The following PTPRG variants were observed in gnomAD, a reference collection of about 807,000 sequenced individuals.
PTPRG encodes protein tyrosine phosphatase receptor type G.
Under a neutral mutation model 165.3 loss-of-function variants are expected in PTPRG, and 102 were observed. That is an observed-to-expected ratio of 0.62 (90% CI 0.53 to 0.73). The LOEUF is 0.73. PTPRG is among the 30% of genes least tolerant of loss of function. PTPRG has a pLI of 0.00. For synonymous variants in PTPRG, 675 were observed against 669.5 expected, an observed-to-expected ratio of 1.01 and a Z score of -0.13; for missense variants, 1,866 against 1,861.4, an observed-to-expected ratio of 1.00 and a Z score of -0.05.
chr3:62,160,915 A>G (rs1337912847), intron 7 of PTPRG, among the ~76,000 whole-genome samples: 2 of 148,122 alleles, frequency 1.4e-5, no homozygotes, highest in African/African-American at 2.5e-5. Flanking sequence ...GTGGACAGAA[A>G]AGGTTTAATT....
chr3:62,152,400 G>A (rs899904783), intron 6 of PTPRG, among the ~76,000 whole-genome samples: 1 of 152,036 alleles, frequency 6.6e-6, no homozygotes, highest in African/African-American at 2.4e-5. Flanking sequence ...AAGAGTTTAC[G>A]TTTTCAGCTG....
intron 2 of PTPRG, among the ~76,000 whole-genome samples, chr3:61,778,835 G>A (rs911397005): frequency 1.3e-5 from 2 of 152,094 alleles, no homozygotes; most frequent in Admixed American, 1.3e-4. Flanking sequence ...GGACCAACAA[G>A]TATCAGGACC....
At chr3:61,605,057 T>A (rs548596140) in intron 1 of PTPRG, among the ~76,000 whole-genome samples, 1 of 152,140 alleles carries the variant, frequency 6.6e-6, no homozygotes, top group Admixed American at 6.5e-5. Context: ...CATGCCACAC[T>A]CTGTCCTTCA....
chr3:62,090,784 G>T (rs1004659770), intron 5 of PTPRG, among the ~76,000 whole-genome samples: 1 of 152,150 alleles, frequency 6.6e-6, no homozygotes, highest in African/African-American at 2.4e-5. Flanking sequence ...AGGAGATTCT[G>T]ATTCTAGAAC....
At chr3:62,290,042 TG>T (rs1702823735) in intron 28 of PTPRG, among the ~76,000 whole-genome samples, 2 of 152,078 alleles carry the variant, frequency 1.3e-5, no homozygotes, top group Admixed American at 6.6e-5. Context: ...AATTTCACCA[TG>T]TGAAAATCAG....
intron 2 of PTPRG, among the ~76,000 whole-genome samples, chr3:61,888,098 C>T (rs1305182916): frequency 1.3e-5 from 2 of 151,970 alleles, no homozygotes; most frequent in Non-Finnish European, 1.5e-5. Flanking sequence ...TTTTGGAGTA[C>T]CTTTGTATTA....
At chr3:61,977,460 C>T (rs2040536740) in intron 2 of PTPRG, among the ~76,000 whole-genome samples, 1 of 152,084 alleles carries the variant, frequency 6.6e-6, no homozygotes. Context: ...GTTTTGACTT[C>T]CAGAAGTCAT....
At chr3:61,901,958 C>T (rs1181489303) in intron 2 of PTPRG, among the ~76,000 whole-genome samples, 3 of 152,146 alleles carry the variant, frequency 2.0e-5, no homozygotes, top group African/African-American at 4.8e-5. Flanking sequence ...ACCTCTTCCC[C>T]CATTTTTCCT....
At chr3:61,647,675 CCAGCTACTT>C in intron 1 of PTPRG, among the ~76,000 whole-genome samples, 1 of 151,304 alleles carries the variant, frequency 6.6e-6, no homozygotes, top group South Asian at 2.1e-4. Context: ...ACCTGTAGTC[CCAGCTACTT>C]GGGAGGCTGA....
At chr3:61,859,253 A>G (rs1203703140) in intron 2 of PTPRG, among the ~76,000 whole-genome samples, 1 of 152,186 alleles carries the variant, frequency 6.6e-6, no homozygotes, top group African/African-American at 2.4e-5. Flanking sequence ...CAAACCTATT[A>G]TATGTTAGAT....
intron 1 of PTPRG, among the ~76,000 whole-genome samples, chr3:61,572,166 C>T (rs1304776265): frequency 6.6e-6 from 1 of 152,126 alleles, no homozygotes; most frequent in African/African-American, 2.4e-5. Context: ...AACCTTGCTA[C>T]GGATTATCCT....
At chr3:61,957,273 A>G (rs1182928733) in intron 2 of PTPRG, among the ~76,000 whole-genome samples, 1 of 152,230 alleles carries the variant, frequency 6.6e-6, no homozygotes, top group African/African-American at 2.4e-5. Context: ...TGCGTTGTAA[A>G]TATTTATAAA....
At chr3:61,672,808 A>G (rs1703079340) in intron 1 of PTPRG, among the ~76,000 whole-genome samples, 1 of 146,202 alleles carries the variant, frequency 6.8e-6, no homozygotes, top group Non-Finnish European at 1.5e-5. Context: ...AGGGGGAGAG[A>G]GAGGGAGAGA....
intron 25 of PTPRG, 129 bp from the exon 26 acceptor site, chr3:62,277,422 C>A: frequency 9.4e-7 from 1 of 1,060,874 alleles, no homozygotes; most frequent in East Asian, 2.6e-5. Flanking sequence ...CCAAATGTAC[C>A]GAATGCCTTT....
At chr3:62,115,120 G>C (rs146872275) in intron 5 of PTPRG, among the ~76,000 whole-genome samples, 1 of 152,096 alleles carries the variant, frequency 6.6e-6, no homozygotes, top group Non-Finnish European at 1.5e-5. Context: ...TCAGAGCATC[G>C]TCACATGTTT....
chr3:61,690,307 AC>A (rs2030113138), intron 1 of PTPRG, among the ~76,000 whole-genome samples: 1 of 151,806 alleles, frequency 6.6e-6, no homozygotes, highest in South Asian at 2.1e-4. Flanking sequence ...GATGGCAAAG[AC>A]CCCCTAAGGA....
intron 8 of PTPRG, among the ~76,000 whole-genome samples, chr3:62,175,778 G>A (rs1460048913): frequency 6.6e-6 from 1 of 152,172 alleles, no homozygotes; most frequent in South Asian, 2.1e-4. Context: ...GTGGTGAGGT[G>A]GTGGGGAGGA....
intron 2 of PTPRG, among the ~76,000 whole-genome samples, chr3:61,828,595 A>G (rs921343513): frequency 1.3e-5 from 2 of 152,168 alleles, no homozygotes. Context: ...CCTTTCAAGG[A>G]AGTGCTGTGT....
At chr3:61,887,793 T>C (rs929490388) in intron 2 of PTPRG, among the ~76,000 whole-genome samples, 3 of 152,154 alleles carry the variant, frequency 2.0e-5, no homozygotes, top group Non-Finnish European at 4.4e-5. Context: ...AGAGTATCTT[T>C]GCATATATTC....
Sources: allele counts gnomAD v4.1 joint callset (sites outside exome capture counted in the v4.1 genomes callset), GRCh38; gene constraint gnomAD v4.1.1; transcripts MANE v1.5; gene names NCBI Gene and HGNC (gene_info 2026-07-23, HGNC 2026-07-21).